THSD4: variants seen among roughly 807,000 people sequenced by gnomAD.
THSD4 encodes thrombospondin type 1 domain containing 4, also known as thrombospondin type-1 domain-containing protein 4.
Under a neutral mutation model 119.0 loss-of-function variants are expected in THSD4, and 69 were observed. That is an observed-to-expected ratio of 0.58 (90% CI 0.48 to 0.71). The LOEUF (loss-of-function observed/expected upper bound fraction) is 0.71, where lower values mean the gene tolerates loss of function less well. THSD4 is among the 30% of genes least tolerant of loss of function. The pLI, the probability that THSD4 is intolerant of heterozygous loss-of-function variation, is 0.00. For synonymous variants in THSD4, 524 were observed against 540.4 expected (o/e 0.97, Z 0.42); for missense variants, 1,393 against 1,391.1 (o/e 1.00, Z -0.02).
At position 71,780,475 on chromosome 15, in the gene THSD4, G is replaced by A. The variant is rs543282560; in HGVS notation, c.*3101G>A. The stretch of plus-strand genomic sequence containing the variant: ...TCTTTCCACCCTCACGATGACTTGC[G>A]GTTCTCTCTGTAGAAAAGGGATGGC... On this transcript the variant is annotated 3_prime_UTR_variant, in exon 18 of 18. Transcript: ENST00000261862. 1 of 242,424 alleles carries A rather than the reference G, an allele frequency of 4.1e-6. No homozygotes were observed. The highest frequency in any genetic ancestry group is 8.7e-6 in the Non-Finnish European group (1 of 115,238). The allele number at this position is 242,424 out of a possible 1,614,324, so 15.0% of individuals were successfully genotyped here. A position where few individuals can be genotyped will look rare whatever the true frequency, so the allele number is the denominator to read the frequency against.
intron 6 of THSD4, among the ~76,000 whole-genome samples, chr15:71,401,996 T>G (rs150290670): frequency 0.023 from 3,383 of 150,104 alleles, 121 homozygotes; most frequent in African/African-American, 0.079. Context: ...GCAAACTGTC[T>G]CAAGGACAGA....
intron 7 of THSD4, among the ~76,000 whole-genome samples, chr15:71,639,032 C>T (rs1330462892): frequency 6.6e-6 from 1 of 152,162 alleles, no homozygotes; most frequent in South Asian, 2.1e-4. Flanking sequence ...AATTGAGCAT[C>T]GGCAGTTAAA....
At chr15:71,648,071 C>G (rs1185296085) in intron 7 of THSD4, among the ~76,000 whole-genome samples, 1 of 152,168 alleles carries the variant, frequency 6.6e-6, no homozygotes, top group African/African-American at 2.4e-5. Flanking sequence ...GGAAAAAGAT[C>G]CTAGACTTCG....
intron 7 of THSD4, among the ~76,000 whole-genome samples, chr15:71,587,013 C>A (rs1033515266): frequency 2.0e-5 from 3 of 152,090 alleles, no homozygotes; most frequent in Admixed American, 1.3e-4. Context: ...CTTTTAAAAA[C>A]CAAAAAACAT....
intron 1 of THSD4, among the ~76,000 whole-genome samples, chr15:71,120,144 T>C (rs543675740): frequency 1.1e-4 from 17 of 152,324 alleles, no homozygotes; most frequent in African/African-American, 3.8e-4. Context: ...ATGTTACAAC[T>C]GTGTATTCAA....
intron 5 of THSD4, among the ~76,000 whole-genome samples, chr15:71,253,260 C>T (rs1160931295): frequency 6.6e-6 from 1 of 152,148 alleles, no homozygotes; most frequent in African/African-American, 2.4e-5. Flanking sequence ...CTAAATGACC[C>T]ACAATAAGTT....
Position 71,439,971 on chromosome 15 carries a change from A to G in THSD4, c.1152+28148A>G, listed in dbSNP as rs2047068240. ...ATGGCATGTGTATACCTATGTAACA[A>G]AACTGCATGTTCTGCACATGTACCC... On this transcript the variant is annotated intron_variant, in intron 7 of 17. Coordinates refer to ENST00000261862, the MANE Select transcript of THSD4 (RefSeq NM_024817.3). Among the ~76,000 whole-genome samples, 5 of 152,162 alleles carry G rather than the reference A, an allele frequency of 3.3e-5. No homozygotes were observed. The South Asian group carries it at 1.0e-3, about 32-fold the overall frequency.
intron 7 of THSD4, among the ~76,000 whole-genome samples, chr15:71,580,747 T>A (rs747560677): frequency 1.1e-4 from 17 of 152,180 alleles, no homozygotes; most frequent in Admixed American, 5.2e-4. Flanking sequence ...GCAGTATTTG[T>A]CTTTGTGTAT....
intron 7 of THSD4, among the ~76,000 whole-genome samples, chr15:71,634,199 A>G (rs1371787700): frequency 6.7e-6 from 1 of 150,174 alleles, no homozygotes; most frequent in African/African-American, 2.4e-5. Context: ...AAAAAAAAAA[A>G]AAAAGAAAAA....
chr15:71,485,967 C>T (rs1425900181), intron 7 of THSD4, among the ~76,000 whole-genome samples: 1 of 152,124 alleles, frequency 6.6e-6, no homozygotes, highest in Non-Finnish European at 1.5e-5. Flanking sequence ...GCAGTAATTA[C>T]TTGTGGCAAA....
At chr15:71,240,603 C>T (rs1054501150) in intron 4 of THSD4, among the ~76,000 whole-genome samples, 3 of 152,096 alleles carry the variant, frequency 2.0e-5, no homozygotes, top group Non-Finnish European at 4.4e-5. Context: ...ATGTCCATTT[C>T]TCTGTTACCT....
intron 6 of THSD4, among the ~76,000 whole-genome samples, chr15:71,275,531 G>A (rs1240873599): frequency 6.6e-6 from 1 of 152,160 alleles, no homozygotes; most frequent in Non-Finnish European, 1.5e-5. Flanking sequence ...ACTACGGTGT[G>A]ATCAGTGAAT....
chr15:71,531,759 T>C (rs989461656), intron 7 of THSD4, among the ~76,000 whole-genome samples: 7 of 152,224 alleles, frequency 4.6e-5, no homozygotes, highest in Admixed American at 6.5e-5. Context: ...ACACTACAAT[T>C]CAGTTATCAC....
chr15:71,257,795 TC>T (rs1309303977), intron 6 of THSD4, among the ~76,000 whole-genome samples: 2 of 152,110 alleles, frequency 1.3e-5, no homozygotes, highest in Non-Finnish European at 2.9e-5. Flanking sequence ...TCTATTAGAT[TC>T]TCAGAGTGGT....
Position 71,782,193 on chromosome 15 carries a change from T to G in THSD4, c.*4819T>G, listed in dbSNP as rs2054008056. On this transcript the variant is annotated 3_prime_UTR_variant, in exon 18 of 18. Coordinates refer to ENST00000261862, the MANE Select transcript of THSD4 (RefSeq NM_024817.3). ...TTTCTGCACCTTTGCAGGGGCAAAG[T>G]AACTCCCTGCACCCTGAACCACCCC... The G allele has an allele frequency of 6.6e-6, 1 of 152,198 alleles. No individual in the cohort carries two copies. The highest frequency in any genetic ancestry group is 6.5e-5 in the Admixed American group (1 of 15,280). 9.4% of individuals were successfully genotyped at this position (152,198 alleles called of 1,614,324 possible). A position where few individuals can be genotyped will look rare whatever the true frequency, so the allele number is the denominator to read the frequency against.
chr15:71,361,255 C>A (rs1461095009), intron 6 of THSD4, among the ~76,000 whole-genome samples: 1 of 152,150 alleles, frequency 6.6e-6, no homozygotes, highest in African/African-American at 2.4e-5. Flanking sequence ...TATTAGCTGA[C>A]CTACTTCTCT....
chr15:71,736,621 GTCTC>G (rs1224516833), intron 10 of THSD4, among the ~76,000 whole-genome samples: 2 of 150,036 alleles, frequency 1.3e-5, no homozygotes, highest in Admixed American at 6.6e-5. Flanking sequence ...CTGTCTCTCT[GTCTC>G]TCTCTCACTT....
At chr15:71,596,266 C>T (rs1042170048) in intron 7 of THSD4, among the ~76,000 whole-genome samples, 2 of 152,196 alleles carry the variant, frequency 1.3e-5, no homozygotes, top group Non-Finnish European at 2.9e-5. Context: ...GTGTGTGTCA[C>T]CCTTCTGTGG....
At chr15:71,241,700 G>A (rs2044154524) in intron 4 of THSD4, among the ~76,000 whole-genome samples, 1 of 152,092 alleles carries the variant, frequency 6.6e-6, no homozygotes, top group Non-Finnish European at 1.5e-5. Context: ...GTGGGCAAAT[G>A]CTACAAATCA....
Sources: allele counts gnomAD v4.1 joint callset (sites outside exome capture counted in the v4.1 genomes callset), GRCh38; gene constraint gnomAD v4.1.1; transcripts MANE v1.5; gene names NCBI Gene and HGNC (gene_info 2026-07-23, HGNC 2026-07-21).